PCDHA9: variants seen among roughly 807,000 people sequenced by gnomAD.
PCDHA9 encodes the protein protocadherin alpha-9.
PCDHA9 carries 62 observed loss-of-function variants against 62.0 expected under a neutral mutation model. The ratio of observed to expected loss-of-function variants is 1.00; its 90% CI spans 0.81 to 1.23. PCDHA9 has a LOEUF of 1.23. PCDHA9 is among the 50% of genes most tolerant of loss of function. The pLI is 0.00. For missense variants in PCDHA9, 1,205 were observed against 1,249.8 expected (o/e 0.96, Z 0.54); for synonymous variants, 557 against 567.6 (o/e 0.98, Z 0.27).
At chr5:140,992,897 T>G (rs2097532683) in intron 3 of PCDHA9, among the ~76,000 whole-genome samples, 2 of 152,156 alleles carry the variant, frequency 1.3e-5, no homozygotes, top group Admixed American at 1.3e-4. Flanking sequence ...GCTGGATATC[T>G]CCAAAGCTTA....
At chr5:140,874,713 T>C (rs976044407) in intron 1 of PCDHA9, among the ~76,000 whole-genome samples, 2 of 152,248 alleles carry the variant, frequency 1.3e-5, no homozygotes, top group Non-Finnish European at 1.5e-5. Context: ...AGAGCAGTTA[T>C]GTGAAAAGTT....
At chr5:140,939,603 CAG>C (rs2092419919) in intron 1 of PCDHA9, among the ~76,000 whole-genome samples, 2 of 152,068 alleles carry the variant, frequency 1.3e-5, no homozygotes, top group Non-Finnish European at 2.9e-5. Flanking sequence ...TGCTCAAAAA[CAG>C]AACAAGGAGA....
intron 1 of PCDHA9, among the ~76,000 whole-genome samples, chr5:140,975,450 G>T (rs1175028711): frequency 6.6e-6 from 1 of 152,174 alleles, no homozygotes. Context: ...AGGGATCTTG[G>T]GGCCATCTTG....
At position 140,967,719 on chromosome 5, in the gene PCDHA9, G is replaced by A. The variant is rs1422649398; in HGVS notation, c.2395-11230G>A. On this transcript the variant is annotated intron_variant, in intron 1 of 3. Coordinates refer to ENST00000532602, the MANE Select transcript of PCDHA9 (RefSeq NM_031857.2). ...ATAGATGCCAGTACCGGGGAAGTGC[G>A]AGTAATTGGGGGGCTGGATTATGAG... 3 of 1,614,052 alleles carry A rather than the reference G, an allele frequency of 1.9e-6. No individual in the cohort carries two copies. In the African/African-American group the frequency reaches 4.0e-5, roughly 22 times the overall value.
chr5:140,927,630 A>G (rs1408351955), intron 1 of PCDHA9: 3 of 1,614,064 alleles, frequency 1.9e-6, no homozygotes, highest in Non-Finnish European at 2.5e-6. Flanking sequence ...CAGAGACTGC[A>G]CCCAATGGGA....
intron 1 of PCDHA9, chr5:140,871,196 AC>A (rs782394304): frequency 1.7e-5 from 28 of 1,613,546 alleles, no homozygotes; most frequent in Non-Finnish European, 2.2e-5. Context: ...GTCAACGTGT[AC>A]CTGATCATCG....
chr5:140,943,742 T>C (rs1326111617), intron 1 of PCDHA9, among the ~76,000 whole-genome samples: 2 of 152,200 alleles, frequency 1.3e-5, no homozygotes, highest in Non-Finnish European at 2.9e-5. Context: ...GTCCACAGTC[T>C]AAAAGCAGTA....
At position 140,850,000 on chromosome 5, in the gene PCDHA9, G is replaced by A. The variant is rs2150462633; in HGVS notation, c.1505G>A (p.Arg502His). 7 of 1,597,068 alleles carry A rather than the reference G, an allele frequency of 4.4e-6. No individual in the cohort carries two copies. In the Admixed American group the frequency reaches 8.4e-5, roughly 19 times the overall value. The part of the protein sequence containing the change: ...YSLVERRLGE[R>H]SLSSYVSVHA... ...CTGGTGGAGCGGCGGTTGGGCGAGCGCTCGCTGTCGAGCTACGTGTCAGTG... is the reference window on the plus strand; with the variant it reads ...CTGGTGGAGCGGCGGTTGGGCGAGCACTCGCTGTCGAGCTACGTGTCAGTG... Residue 502 changes from arginine to histidine, a missense_variant, in exon 1 of 4, where the codon CGC (arginine) becomes CAC (histidine). Transcript: ENST00000532602.
At chr5:140,906,796 T>C (rs1021322398) in intron 1 of PCDHA9, among the ~76,000 whole-genome samples, 1 of 152,236 alleles carries the variant, frequency 6.6e-6, no homozygotes, top group African/African-American at 2.4e-5. Context: ...ATTCCATGCA[T>C]ACTCTTCCTT....
intron 1 of PCDHA9, among the ~76,000 whole-genome samples, chr5:140,903,138 A>T (rs188809018): frequency 6.6e-6 from 1 of 152,258 alleles, no homozygotes; most frequent in East Asian, 1.9e-4. Context: ...AAATCTCCAA[A>T]CTGTTTTCCA....
intron 1 of PCDHA9, among the ~76,000 whole-genome samples, chr5:140,890,365 T>A: frequency 6.6e-6 from 1 of 152,216 alleles, no homozygotes; most frequent in Non-Finnish European, 1.5e-5. Context: ...ATGGATAACC[T>A]GAACAAGTAC....
At chr5:140,893,593 T>C (rs1433494751) in intron 1 of PCDHA9, among the ~76,000 whole-genome samples, 5 of 152,244 alleles carry the variant, frequency 3.3e-5, no homozygotes, top group African/African-American at 1.2e-4. Context: ...TGGGAAATAC[T>C]TTATTTCTCC....
intron 3 of PCDHA9, among the ~76,000 whole-genome samples, chr5:140,999,125 G>C (rs1554256627): frequency 6.6e-6 from 1 of 152,152 alleles, no homozygotes; most frequent in South Asian, 2.1e-4. Context: ...TTCTAAGCTG[G>C]AAAATGTCAC....
rs1019397100 is a variant in PCDHA9, at chr5:140,953,409, G to A, written c.2395-25540G>A. On this transcript the variant is annotated intron_variant, in intron 1 of 3. Transcript: ENST00000532602. ...TGTGGATTACAGTGCTGTTGCTCCTGGCTCCTCCCCTTTGTCCTTAAGCTG... is the reference window on the plus strand; with the variant it reads ...TGTGGATTACAGTGCTGTTGCTCCTAGCTCCTCCCCTTTGTCCTTAAGCTG... Among the ~76,000 whole-genome samples, 14 of 152,194 alleles carry A rather than the reference G, an allele frequency of 9.2e-5. No individual in the cohort carries two copies. The South Asian group carries it at 2.9e-3, about 32-fold the overall frequency.
chr5:141,005,701 CAAAAAAAAAAAAAAAA>C (rs59860837), intron 3 of PCDHA9, among the ~76,000 whole-genome samples: 5 of 7,786 alleles, frequency 6.4e-4, no homozygotes, highest in African/African-American at 1.9e-3. Context: ...AACTCCGTCT[CAAAAAAAAAAAAAAAA>C]AAAAAAAAAA....
At chr5:140,927,581 C>T (rs1554204769) in intron 1 of PCDHA9, 1 of 1,614,150 alleles carries the variant, frequency 6.2e-7, no homozygotes, top group East Asian at 2.2e-5. Context: ...AATGACAACG[C>T]GCCTGTATTT....
At chr5:140,981,725 A>T (rs1554243280) in intron 2 of PCDHA9, among the ~76,000 whole-genome samples, 1 of 151,396 alleles carries the variant, frequency 6.6e-6, no homozygotes, top group Non-Finnish European at 1.5e-5. Context: ...TCCAACAAAT[A>T]TTTGAGAGAT....
chr5:140,951,959 A>C (rs2094664205), intron 1 of PCDHA9, among the ~76,000 whole-genome samples: 1 of 152,202 alleles, frequency 6.6e-6, no homozygotes, highest in Admixed American at 6.5e-5. Context: ...GGCATTGGGT[A>C]AATACTCCTG....
At chr5:140,870,656 C>T (rs782506518) in intron 1 of PCDHA9, 22 of 1,612,360 alleles carry the variant, frequency 1.4e-5, no homozygotes, top group Non-Finnish European at 1.7e-6. Flanking sequence ...AAGGTGTACG[C>T]GCTGCAGCCG....
Sources: gnomAD v4.1 joint callset for allele counts (sites outside exome capture counted in the v4.1 genomes callset) on GRCh38, gnomAD v4.1.1 for gene constraint, MANE v1.5 for transcripts, NCBI Gene and HGNC (gene_info 2026-07-23, HGNC 2026-07-21) for gene names.